Variants in AMBRA1 observed in about 807,000 individuals in gnomAD.
The protein encoded by AMBRA1 is autophagy and beclin 1 regulator 1, also known as activating molecule in BECN1-regulated autophagy protein 1.
Under a neutral mutation model 125.4 loss-of-function variants are expected in AMBRA1, and 47 were observed. The observed-to-expected ratio is 0.37, with a 90% CI of 0.30 to 0.48. AMBRA1 has a LOEUF of 0.48. Among genes scored for constraint, AMBRA1 ranks in the 20% least tolerant of loss-of-function variants. AMBRA1 has a pLI of 0.99. For synonymous variants in AMBRA1, 626 were observed against 655.5 expected, an observed-to-expected ratio of 0.95 and a Z score of 0.69; for missense variants, 1,331 against 1,693.4, an observed-to-expected ratio of 0.79 and a Z score of 3.76.
intron 7 of AMBRA1, among the ~76,000 whole-genome samples, chr11:46,537,327 T>A (rs1952524029): frequency 6.6e-6 from 1 of 152,202 alleles, no homozygotes; most frequent in Non-Finnish European, 1.5e-5. Flanking sequence ...AAGGGTGCCC[T>A]CTTCAGGGCC....
chr11:46,422,904 C>A (rs1946918610), intron 14 of AMBRA1, among the ~76,000 whole-genome samples: 2 of 152,044 alleles, frequency 1.3e-5, no homozygotes, highest in Non-Finnish European at 2.9e-5. Context: ...AGGAAGCGGA[C>A]AACTGGAAAC....
chr11:46,589,658 C>A (rs921721710), intron 1 of AMBRA1, among the ~76,000 whole-genome samples: 7 of 151,860 alleles, frequency 4.6e-5, no homozygotes, highest in African/African-American at 1.7e-4. Flanking sequence ...CTCCCTCTGT[C>A]GCCCAGGCTG....
chr11:46,548,730 C>T (rs181142357), intron 1 of AMBRA1, among the ~76,000 whole-genome samples: 1 of 152,194 alleles, frequency 6.6e-6, no homozygotes, highest in South Asian at 2.1e-4. Flanking sequence ...CAGTGGCTCA[C>T]GCCTGTAATC....
chr11:46,483,570 C>T (rs773805481), intron 11 of AMBRA1, among the ~76,000 whole-genome samples: 5 of 152,064 alleles, frequency 3.3e-5, no homozygotes, highest in Non-Finnish European at 7.4e-5. Flanking sequence ...GAAAAGGAAA[C>T]GAGAAAGAAA....
chr11:46,463,286 C>A (rs555893564), intron 11 of AMBRA1, among the ~76,000 whole-genome samples: 1 of 152,194 alleles, frequency 6.6e-6, no homozygotes, highest in Non-Finnish European at 1.5e-5. Flanking sequence ...CTGTTCTATT[C>A]CCACTCAACA....
chr11:46,523,619 T>G (rs1312001378), intron 7 of AMBRA1, among the ~76,000 whole-genome samples: 1 of 152,244 alleles, frequency 6.6e-6, no homozygotes, highest in Non-Finnish European at 1.5e-5. Context: ...CACTAATGGC[T>G]ATAATCTCAG....
chr11:46,552,156 G>A (rs2043021631), intron 1 of AMBRA1, among the ~76,000 whole-genome samples: 1 of 147,366 alleles, frequency 6.8e-6, no homozygotes, highest in Admixed American at 6.8e-5. Flanking sequence ...ATCACTTGAG[G>A]TCAGGAATTC....
intron 11 of AMBRA1, among the ~76,000 whole-genome samples, chr11:46,454,579 C>CAAAAAAAAAA (rs777518872): frequency 3.6e-4 from 18 of 50,430 alleles, no homozygotes; most frequent in African/African-American, 7.6e-4. Flanking sequence ...ACTAAAAATA[C>CAAAAAAAAAA]AAAAAAAAAA....
rs147206577 is a variant in AMBRA1 at position 46,515,473 on chromosome 11, A to AAAACAAAC, written c.2073-2668_2073-2661dup. On this transcript the variant is annotated intron_variant, in intron 7 of 17. Coordinates refer to ENST00000683756, the MANE Select transcript of AMBRA1 (RefSeq NM_001387011.1). ...GGGTGACAGAGTGAGACTGCATCTCAAAACAAACAAACAAACAAACAAACA... is the reference window on the plus strand; with the variant it reads ...GGGTGACAGAGTGAGACTGCATCTCAAAACAAACAAACAAACAAACAAACAAACAAACA... Among the ~76,000 whole-genome samples the AAAACAAAC allele has an allele frequency of 1.0e-3, 153 of 151,374 alleles. 1 individual carries two copies. The highest frequency in any genetic ancestry group is 3.4e-3 in the African/African-American group (141 of 41,080).
chr11:46,564,930 T>C (rs927031286), intron 1 of AMBRA1, among the ~76,000 whole-genome samples: 19 of 152,302 alleles, frequency 1.2e-4, no homozygotes, highest in African/African-American at 4.1e-4. Context: ...AAATAAGTTA[T>C]GTGCACCAAG....
Position 46,550,866 on chromosome 11 carries a change from C to G in AMBRA1, c.-120-2366G>C, listed in dbSNP as rs187648601. Among the ~76,000 whole-genome samples the G allele has an allele frequency of 3.9e-3, 586 of 150,356 alleles. 3 individuals are homozygous for G. Among genetic ancestry groups the G allele is most frequent in the African/African-American group, 0.014 (573 of 40,776 alleles). ...CTTTGGGAGGCCGAGACGGGCGGATCGCGAGGTCAGGAGATCGAGACCATC... is the reference window on the plus strand; with the variant it reads ...CTTTGGGAGGCCGAGACGGGCGGATGGCGAGGTCAGGAGATCGAGACCATC... On this transcript the variant is annotated intron_variant, in intron 1 of 17. Coordinates refer to ENST00000683756, the MANE Select transcript of AMBRA1 (RefSeq NM_001387011.1).
At chr11:46,529,444 G>A (rs1466870602) in intron 7 of AMBRA1, among the ~76,000 whole-genome samples, 1 of 152,160 alleles carries the variant, frequency 6.6e-6, no homozygotes, top group African/African-American at 2.4e-5. Context: ...AGGATGGGTG[G>A]GGTGGTGGTG....
chr11:46,585,053 T>C (rs1271624398), intron 1 of AMBRA1, among the ~76,000 whole-genome samples: 2 of 144,068 alleles, frequency 1.4e-5, no homozygotes, highest in East Asian at 1.9e-4. Context: ...TGGGCGACTG[T>C]GCTCTCTGTG....
chr11:46,472,543 G>A (rs1050329405), intron 11 of AMBRA1, among the ~76,000 whole-genome samples: 3 of 152,188 alleles, frequency 2.0e-5, no homozygotes, highest in African/African-American at 4.8e-5. Flanking sequence ...GAGGTTAAAT[G>A]ACTCACTCAA....
intron 7 of AMBRA1, among the ~76,000 whole-genome samples, chr11:46,513,517 C>T (rs1428875001): frequency 6.6e-6 from 1 of 152,040 alleles, no homozygotes; most frequent in Non-Finnish European, 1.5e-5. Flanking sequence ...TCACCACAAC[C>T]TAGAAAGGTA....
chr11:46,449,181 C>T (rs1055968223), intron 11 of AMBRA1, among the ~76,000 whole-genome samples: 4 of 152,082 alleles, frequency 2.6e-5, no homozygotes, highest in Non-Finnish European at 5.9e-5. Flanking sequence ...ATTGGAAGTC[C>T]TAGCTAATGC....
At position 46,511,629 on chromosome 11, in the gene AMBRA1, A is replaced by C. The variant is rs559460246; in HGVS notation, c.2159+1098T>G. ...TGTAAATTACCCTTTTCTTTTGGCA[A>C]AGCCTCCTAATGTGCTCTAGTATTG... is the stretch of plus-strand genomic sequence containing the variant. On this transcript the variant is annotated intron_variant, in intron 8 of 17. Transcript: ENST00000683756. Among the ~76,000 whole-genome samples, 49 of 152,298 alleles carry C rather than the reference A, an allele frequency of 3.2e-4. 1 individual carries two copies. Among genetic ancestry groups the C allele is most frequent in the African/African-American group, 1.2e-3 (49 of 41,554 alleles).
At chr11:46,417,787 G>T in intron 15 of AMBRA1, 126 bp downstream of exon 15, 1 of 1,171,806 alleles carries the variant, frequency 8.5e-7, no homozygotes, top group Non-Finnish European at 1.1e-6. Context: ...AAGGAGTGGC[G>T]CTGAGAATGA....
intron 2 of AMBRA1, 151 bp from the exon 3 acceptor site, chr11:46,548,026 T>G (rs1244095985): frequency 3.3e-6 from 4 of 1,201,916 alleles, no homozygotes; most frequent in African/African-American, 1.5e-5. Flanking sequence ...TTGAGAGAGA[T>G]AAACCTAAAT....
Sources: allele counts gnomAD v4.1 joint callset (sites outside exome capture counted in the v4.1 genomes callset), GRCh38; gene constraint gnomAD v4.1.1; transcripts MANE v1.5; gene names NCBI Gene and HGNC (gene_info 2026-07-23, HGNC 2026-07-21).